The following RPIA variants were observed in gnomAD, a reference collection of about 807,000 sequenced individuals.
The protein encoded by RPIA is ribose 5-phosphate isomerase A.
Under a neutral mutation model 37.8 loss-of-function variants are expected in RPIA, and 29 were observed. That is an observed-to-expected ratio of 0.77 (90% confidence interval 0.57 to 1.05). The LOEUF (loss-of-function observed/expected upper bound fraction) is 1.05, where lower values mean the gene tolerates loss of function less well. Ranked by LOEUF, RPIA falls within the 50% of genes least tolerant of loss-of-function variation. The pLI is 0.00. For synonymous variants in RPIA, 167 were observed against 157.0 expected (o/e 1.06, Z -0.48); for missense variants, 385 against 413.6 (o/e 0.93, Z 0.60).
intron 1 of RPIA, among the ~76,000 whole-genome samples, chr2:88,697,744 C>T (rs1672771674): frequency 6.6e-6 from 1 of 152,186 alleles, no homozygotes; most frequent in South Asian, 2.1e-4. Flanking sequence ...CTTAACTAAG[C>T]CTTTGCCCTC....
At chr2:88,715,361 G>GA (rs532616998) in intron 3 of RPIA, among the ~76,000 whole-genome samples, 8 of 152,154 alleles carry the variant, frequency 5.3e-5, no homozygotes, top group Non-Finnish European at 1.0e-4. Context: ...TTCAGGATCT[G>GA]AAAAAATCAT....
rs1166120071 is a variant in RPIA at position 88,750,086 on chromosome 2, A to G, written c.*8A>G. 5.0e-6 allele frequency: 8 copies of G among 1,586,580 alleles called. No homozygotes were observed. Among genetic ancestry groups the G allele is most frequent in the Non-Finnish European group, 5.2e-6 (6 of 1,159,148 alleles). On this transcript the variant is annotated 3_prime_UTR_variant, in exon 9 of 9. Coordinates refer to ENST00000283646, the MANE Select transcript of RPIA (RefSeq NM_144563.3). ...GAGAAGCCTTTCTGTTGACCCTGCAAGGAGCAGAGTGTGTTCACCTTGAGT... is the reference window on the plus strand; with the variant it reads ...GAGAAGCCTTTCTGTTGACCCTGCAGGGAGCAGAGTGTGTTCACCTTGAGT...
At chr2:88,726,930 G>A (rs1012969697) in intron 3 of RPIA, among the ~76,000 whole-genome samples, 1 of 152,054 alleles carries the variant, frequency 6.6e-6, no homozygotes, top group Non-Finnish European at 1.5e-5. Context: ...GTAGAGATGG[G>A]GTTTCACCAT....
At chr2:88,737,911 A>T (rs191161626) in intron 7 of RPIA, 66 bp from the exon 8 acceptor site, 1 of 1,193,108 alleles carries the variant, frequency 8.4e-7, no homozygotes. Context: ...TATCCCCTCT[A>T]CTTTCCTGTC....
chr2:88,702,015 C>T (rs1031156000), intron 3 of RPIA, among the ~76,000 whole-genome samples: 2 of 152,208 alleles, frequency 1.3e-5, no homozygotes, highest in Non-Finnish European at 2.9e-5. Flanking sequence ...TTTTGATAGT[C>T]TGTGACTAAT....
chr2:88,726,499 G>C (rs1673198555), intron 3 of RPIA, among the ~76,000 whole-genome samples: 1 of 152,082 alleles, frequency 6.6e-6, no homozygotes, highest in Non-Finnish European at 1.5e-5. Context: ...ATATTCATTT[G>C]TATAAGAATA....
chr2:88,749,834 T>C (rs1225312587), intron 8 of RPIA, 147 bp from the exon 9 acceptor site: 1 of 635,954 alleles, frequency 1.6e-6, no homozygotes, highest in African/African-American at 1.8e-5. Flanking sequence ...GAATCTCTTT[T>C]CATTGCTCTG....
rs1182726305 is a variant in RPIA, at chr2:88,736,586, G to A, written c.648G>A (p.Glu216=). 29 of 1,614,048 alleles carry A rather than the reference G, an allele frequency of 1.8e-5. No individual in the cohort carries two copies. Among genetic ancestry groups the A allele is most frequent in the Non-Finnish European group, 2.3e-5 (27 of 1,180,040 alleles). The change falls in exon 7 of 9, where the codon GAG becomes GAA. Residue 216 remains glutamate, a synonymous_variant. Coordinates refer to ENST00000283646, the MANE Select transcript of RPIA (RefSeq NM_144563.3). ...GDQWHKGIPI[E]VIPMAYVPVS... Reference sequence around the variant, plus strand: ...AGTGGCACAAGGGAATCCCCATCGAGGTCATCCCAATGGCCTATGTCCCAG... The same window carrying A: ...AGTGGCACAAGGGAATCCCCATCGAAGTCATCCCAATGGCCTATGTCCCAG...
chr2:88,703,643 C>T (rs940208915), intron 3 of RPIA, among the ~76,000 whole-genome samples: 4 of 152,184 alleles, frequency 2.6e-5, no homozygotes, highest in Non-Finnish European at 5.9e-5. Context: ...ACTTTTTTCT[C>T]CTAGGCCTCC....
chr2:88,700,096 G>A (rs372573695), intron 3 of RPIA, 32 bp downstream of exon 3: 83 of 1,608,128 alleles, frequency 5.2e-5, no homozygotes, highest in Non-Finnish European at 6.7e-5. Context: ...CATCGTGACA[G>A]CTTCTGCTGT....
chr2:88,693,009 G>A (rs1558686165), intron 1 of RPIA, among the ~76,000 whole-genome samples: 1 of 152,142 alleles, frequency 6.6e-6, no homozygotes, highest in Non-Finnish European at 1.5e-5. Flanking sequence ...GTAGCTTGTT[G>A]TAAGTCTGAT....
intron 4 of RPIA, among the ~76,000 whole-genome samples, chr2:88,733,564 G>C (rs6715807): frequency 0.065 from 9,917 of 152,252 alleles, 582 homozygotes; most frequent in African/African-American, 0.16. Context: ...AGAATTGCCA[G>C]AGTGCAGCCT....
chr2:88,693,088 G>A (rs1676965717), intron 1 of RPIA, among the ~76,000 whole-genome samples: 2 of 152,096 alleles, frequency 1.3e-5, no homozygotes, highest in African/African-American at 4.8e-5. Context: ...CCTACCTTTG[G>A]GATTCAGTGC....
intron 8 of RPIA, among the ~76,000 whole-genome samples, chr2:88,744,495 A>ATATCTG (rs1413584936): frequency 6.6e-6 from 1 of 152,210 alleles, no homozygotes; most frequent in East Asian, 1.9e-4. Flanking sequence ...AGTTCTATAG[A>ATATCTG]TATCTGTTAA....
intron 3 of RPIA, among the ~76,000 whole-genome samples, chr2:88,711,506 A>T (rs1672962185): frequency 6.6e-6 from 1 of 152,236 alleles, no homozygotes; most frequent in African/African-American, 2.4e-5. Flanking sequence ...ATAAGGGGTT[A>T]TGGAGACCAA....
intron 3 of RPIA, among the ~76,000 whole-genome samples, chr2:88,719,767 C>A (rs143290002): frequency 2.6e-5 from 4 of 152,090 alleles, no homozygotes; most frequent in Non-Finnish European, 5.9e-5. Context: ...AAATTTTAAT[C>A]TTGAACATAA....
Position 88,693,918 on chromosome 2 carries a change from A to T in RPIA, c.285+1935A>T, listed in dbSNP as rs928036926. ...CCACCCAGGATGGGTCGACATGCAGAACTAGGCTCTTCTGAATGTCTGTAG... is the reference window on the plus strand; with the variant it reads ...CCACCCAGGATGGGTCGACATGCAGTACTAGGCTCTTCTGAATGTCTGTAG... On this transcript the variant is annotated intron_variant, in intron 1 of 8. Transcript: ENST00000283646. Among the ~76,000 whole-genome samples, 3 of 152,242 alleles carry T rather than the reference A, an allele frequency of 2.0e-5. No homozygotes were observed. The South Asian group carries it at 6.2e-4, about 32-fold the overall frequency.
intron 3 of RPIA, among the ~76,000 whole-genome samples, chr2:88,726,380 A>G (rs1673197341): frequency 6.6e-6 from 1 of 151,852 alleles, no homozygotes; most frequent in Non-Finnish European, 1.5e-5. Flanking sequence ...TTTTTTTTTA[A>G]GCTCACCAGC....
intron 3 of RPIA, among the ~76,000 whole-genome samples, chr2:88,714,432 A>T (rs1299440067): frequency 6.6e-6 from 1 of 152,162 alleles, no homozygotes; most frequent in Non-Finnish European, 1.5e-5. Flanking sequence ...TTGGCTTCCC[A>T]AAATGCTGGG....
Sources: allele counts gnomAD v4.1 joint callset (sites outside exome capture counted in the v4.1 genomes callset), GRCh38; gene constraint gnomAD v4.1.1; transcripts MANE v1.5; gene names NCBI Gene and HGNC (gene_info 2026-07-23, HGNC 2026-07-21).